Variants in NDUFAF6 observed in about 807,000 individuals in gnomAD.
NDUFAF6 encodes NADH dehydrogenase (ubiquinone) complex I, assembly factor 6.
Under a neutral mutation model 40.8 loss-of-function variants are expected in NDUFAF6, and 45 were observed. The observed-to-expected ratio is 1.10, with a 90% CI of 0.87 to 1.42. NDUFAF6 has a LOEUF of 1.42. Ranked by LOEUF, NDUFAF6 falls within the 40% of genes most tolerant of loss-of-function variation. NDUFAF6 has a pLI of 0.00. For missense variants in NDUFAF6, 435 were observed against 418.5 expected (o/e 1.04, Z -0.34); for synonymous variants, 185 against 155.9 (o/e 1.19, Z -1.39).
At position 95,045,480 on chromosome 8, in the gene NDUFAF6, C is replaced by A. The variant is rs991301263; in HGVS notation, c.478-65C>A. 9 of 1,153,228 alleles carry A rather than the reference C, an allele frequency of 7.8e-6. No individual in the cohort carries two copies. The African/African-American group carries it at 1.1e-4, about 14-fold the overall frequency. 71.4% of individuals were successfully genotyped at this position (1,153,228 alleles called of 1,614,324 possible). ...TTATTCAGTTCTTTGGGGCAAAAAA[C>A]AGCACCTTTTCTTTCTAAAATATTG... On this transcript the variant is annotated intron_variant, in intron 4 of 8. Transcript: ENST00000396124.
intron 1 of NDUFAF6, among the ~76,000 whole-genome samples, chr8:94,910,328 T>C (rs927556179): frequency 1.3e-5 from 2 of 152,066 alleles, no homozygotes. Context: ...AATTTTTGTA[T>C]TTTTAGTAGA....
At chr8:95,092,913 C>A (rs1277743843) in intron 2 of NDUFAF6, among the ~76,000 whole-genome samples, 1 of 152,178 alleles carries the variant, frequency 6.6e-6, no homozygotes, top group Non-Finnish European at 1.5e-5. Context: ...AATACAAAAT[C>A]CTATATCCAT....
intron 1 of NDUFAF6, 81 bp downstream of exon 1, chr8:95,025,286 C>T: frequency 2.3e-6 from 3 of 1,277,438 alleles, no homozygotes; most frequent in African/African-American, 1.6e-5. Context: ...TCTGGCCTGA[C>T]GTTTGAGCGA....
At chr8:95,084,558 A>G (rs906425699) in intron 2 of NDUFAF6, among the ~76,000 whole-genome samples, 1 of 152,174 alleles carries the variant, frequency 6.6e-6, no homozygotes, top group African/African-American at 2.4e-5. Context: ...GCTAGAGTTA[A>G]CTTGTGATTT....
Position 95,035,524 on chromosome 8 carries a change from A to G in NDUFAF6, c.368A>G (p.Asp123Gly), listed in dbSNP as rs1276996036. ...CAGTTTTGGAAAAAAACTGTGGAAG[A>G]TATATACTGTGACAATCCACCACAT... ...RMQFWKKTVE[D>G]IYCDNPPHQP... Residue 123 changes from aspartate (D) to glycine (G), a missense_variant, in exon 3 of 9, where the codon GAT becomes GGT. Physicochemically the swap from Asp to Gly is moderately conservative, Grantham distance 94. Coordinates refer to ENST00000396124, the MANE Select transcript of NDUFAF6 (RefSeq NM_152416.4). The G allele has an allele frequency of 6.2e-7, 1 of 1,613,594 alleles. No homozygotes were observed. Among genetic ancestry groups the G allele is most frequent in the Non-Finnish European group, 8.5e-7 (1 of 1,179,774 alleles).
intron 1 of NDUFAF6, among the ~76,000 whole-genome samples, chr8:94,933,837 G>GC (rs1380216706): frequency 2.7e-5 from 4 of 148,148 alleles, no homozygotes; most frequent in Non-Finnish European, 6.0e-5. Context: ...CACTTTGTGG[G>GC]GGGGGGGGGA....
chr8:95,023,683 C>T (rs1368836104), upstream of NDUFAF6, among the ~76,000 whole-genome samples: 1 of 152,108 alleles, frequency 6.6e-6, no homozygotes, highest in Non-Finnish European at 1.5e-5. Context: ...TTTGAGGGCC[C>T]TGAAAGTAAG....
At chr8:94,901,518 A>G (rs1018619662) in intron 1 of NDUFAF6, among the ~76,000 whole-genome samples, 4 of 152,076 alleles carry the variant, frequency 2.6e-5, no homozygotes, top group South Asian at 4.1e-4. Context: ...AGGAACAGCT[A>G]TGGCATAGGA....
chr8:94,897,389 G>C (rs993904905), intron 1 of NDUFAF6, among the ~76,000 whole-genome samples: 2 of 152,128 alleles, frequency 1.3e-5, no homozygotes, highest in Non-Finnish European at 2.9e-5. Flanking sequence ...CCATATTACA[G>C]ATACCTGGTC....
intron 5 of NDUFAF6, chr8:95,115,742 C>CT (rs1040396352): frequency 1.6e-4 from 24 of 152,214 alleles, no homozygotes; most frequent in Admixed American, 1.6e-3. Context: ...TTCAAGGTAT[C>CT]TTTTCAGTTG....
intron 8 of NDUFAF6, among the ~76,000 whole-genome samples, chr8:95,052,630 T>C (rs1284587503): frequency 1.3e-5 from 2 of 152,226 alleles, no homozygotes; most frequent in Admixed American, 6.5e-5. Context: ...CATTTTTTTT[T>C]CCATTGTGAC....
intron 2 of NDUFAF6, chr8:94,988,459 A>G (rs776651794): frequency 6.6e-6 from 1 of 152,206 alleles, no homozygotes; most frequent in Non-Finnish European, 1.5e-5. Context: ...AGTGAGGGCT[A>G]TGTCTTACAA....
chr8:94,997,343 C>CACACACACACACACACAGAGAG (rs1242904810), intron 2 of NDUFAF6, among the ~76,000 whole-genome samples: 1 of 90,514 alleles, frequency 1.1e-5, no homozygotes, highest in Non-Finnish European at 2.0e-5. Context: ...CACACACACA[C>CACACACACACACACACAGAGAG]AGAGAGAGAG....
intron 4 of NDUFAF6, among the ~76,000 whole-genome samples, chr8:95,110,005 C>T (rs989494192): frequency 1.3e-5 from 2 of 152,174 alleles, no homozygotes; most frequent in African/African-American, 4.8e-5. Flanking sequence ...TGGTAAAAAG[C>T]ATTCTTATTA....
intron 1 of NDUFAF6, among the ~76,000 whole-genome samples, chr8:94,905,115 G>A (rs564488093): frequency 3.3e-5 from 5 of 152,186 alleles, no homozygotes; most frequent in East Asian, 3.9e-4. Flanking sequence ...CAGGAGAATC[G>A]CTTGAATCTA....
At chr8:95,000,527 T>C (rs917901962) in intron 2 of NDUFAF6, among the ~76,000 whole-genome samples, 8 of 151,978 alleles carry the variant, frequency 5.3e-5, no homozygotes, top group African/African-American at 1.7e-4. Flanking sequence ...CTAATCTTTT[T>C]ATTAGAATTA....
intron 2 of NDUFAF6, among the ~76,000 whole-genome samples, chr8:94,951,914 A>G (rs1164209170): frequency 1.3e-5 from 2 of 152,186 alleles, no homozygotes; most frequent in East Asian, 3.8e-4. Flanking sequence ...AATTACACAA[A>G]TGCAAGCAAG....
chr8:94,902,651 A>G (rs1457524430), intron 1 of NDUFAF6, among the ~76,000 whole-genome samples: 1 of 151,542 alleles, frequency 6.6e-6, no homozygotes. Context: ...AGTCACCCTG[A>G]ACATTCTTGT....
At chr8:95,069,502 C>T (rs746958317) in intron 9 of NDUFAF6, among the ~76,000 whole-genome samples, 4 of 151,500 alleles carry the variant, frequency 2.6e-5, no homozygotes, top group Non-Finnish European at 4.4e-5. Flanking sequence ...AATATTGGCT[C>T]GGCATGGTGG....
Sources: gnomAD v4.1 joint callset for allele counts (sites outside exome capture counted in the v4.1 genomes callset) on GRCh38, gnomAD v4.1.1 for gene constraint, MANE v1.5 for transcripts, NCBI Gene and HGNC (gene_info 2026-07-23, HGNC 2026-07-21) for gene names.